MYO18B: variants seen among roughly 807,000 people sequenced by gnomAD.
The protein encoded by MYO18B is myosin XVIIIB, also known as unconventional myosin-XVIIIb.
A neutral mutation model predicts 273.0 loss-of-function variants in MYO18B; 204 were observed. The observed-to-expected ratio is 0.75, with a 90% CI of 0.67 to 0.84. The LOEUF (loss-of-function observed/expected upper bound fraction) is 0.84, where lower values mean the gene tolerates loss of function less well. Ranked by LOEUF, MYO18B falls within the 40% of genes least tolerant of loss-of-function variation. The pLI is 0.00. For missense variants in MYO18B, 3,212 were observed against 3,287.6 expected (o/e 0.98, Z 0.56); for synonymous variants, 1,330 against 1,305.7 (o/e 1.02, Z -0.40).
intron 42 of MYO18B, among the ~76,000 whole-genome samples, chr22:26,025,224 C>T (rs1289177424): frequency 6.6e-6 from 1 of 152,188 alleles, no homozygotes; most frequent in Non-Finnish European, 1.5e-5. Flanking sequence ...CCCGTGCCTT[C>T]CATGGCCATC....
chr22:25,828,226 A>C (rs569504450), intron 14 of MYO18B, among the ~76,000 whole-genome samples: 44 of 151,956 alleles, frequency 2.9e-4, no homozygotes, highest in Non-Finnish European at 5.1e-4. Context: ...AGGTTGGGCA[A>C]CTCTCCCAAG....
At chr22:25,963,511 A>G (rs796378889) in intron 39 of MYO18B, among the ~76,000 whole-genome samples, 49 of 146,338 alleles carry the variant, frequency 3.3e-4, no homozygotes, top group African/African-American at 1.1e-3. Flanking sequence ...GTCCTCAAGG[A>G]CACCAGTCAT....
At chr22:26,056,252 C>T in the MYO18B span, among the ~76,000 whole-genome samples, 2 of 152,168 alleles carry the variant, frequency 1.3e-5, no homozygotes, top group African/African-American at 2.4e-5. Flanking sequence ...AGGAACCCTC[C>T]AAAGAACTCA....
intron 42 of MYO18B, among the ~76,000 whole-genome samples, chr22:26,012,063 G>C (rs1934959862): frequency 6.6e-6 from 1 of 152,134 alleles, no homozygotes; most frequent in African/African-American, 2.4e-5. Context: ...TTTTATTTGG[G>C]ATAAGGCTGG....
chr22:25,849,363 C>T (rs2146034575), intron 20 of MYO18B, among the ~76,000 whole-genome samples: 1 of 152,250 alleles, frequency 6.6e-6, no homozygotes, highest in Middle Eastern at 3.4e-3. Context: ...TTCATTTCCT[C>T]TTTTTATTTC....
intron 40 of MYO18B, among the ~76,000 whole-genome samples, chr22:25,997,379 A>G (rs1404068812): frequency 1.3e-5 from 2 of 150,322 alleles, no homozygotes; most frequent in Admixed American, 6.6e-5. Flanking sequence ...ATTATTTAAG[A>G]TTTCAAGACA....
chr22:25,933,536 C>T (rs951325496), intron 34 of MYO18B, among the ~76,000 whole-genome samples: 4 of 152,102 alleles, frequency 2.6e-5, no homozygotes, highest in African/African-American at 9.7e-5. Context: ...TGTATCTTGC[C>T]TTTTTTCCCT....
chr22:25,912,359 G>A (rs967363850), intron 33 of MYO18B, among the ~76,000 whole-genome samples: 2 of 152,200 alleles, frequency 1.3e-5, no homozygotes. Context: ...ATTCTAGAAT[G>A]ATAGAGGGGA....
chr22:25,770,386 C>T (rs376232011), intron 5 of MYO18B, among the ~76,000 whole-genome samples: 176 of 152,312 alleles, frequency 1.2e-3, no homozygotes, highest in Middle Eastern at 6.8e-3. Flanking sequence ...TTTCTTCCTA[C>T]GGCGTTCTTC....
chr22:26,025,162 C>T (rs1326898643), intron 42 of MYO18B, among the ~76,000 whole-genome samples: 1 of 152,152 alleles, frequency 6.6e-6, no homozygotes, highest in African/African-American at 2.4e-5. Flanking sequence ...CTATTTCAGC[C>T]CCCACCTATT....
intron 28 of MYO18B, chr22:25,895,783 T>C (rs2091784425): frequency 6.6e-6 from 1 of 152,542 alleles, no homozygotes. Flanking sequence ...CTCTTTCAGA[T>C]TGTTCTGTGA....
At chr22:26,035,041 G>C (rs1936752100), downstream of MYO18B, among the ~76,000 whole-genome samples, 1 of 152,172 alleles carries the variant, frequency 6.6e-6, no homozygotes, top group African/African-American at 2.4e-5. Context: ...CCTACCACCT[G>C]ATGTCCCACC....
At chr22:26,006,180 A>G (rs1165245580) in intron 42 of MYO18B, among the ~76,000 whole-genome samples, 1 of 152,234 alleles carries the variant, frequency 6.6e-6, no homozygotes, top group Admixed American at 6.5e-5. Flanking sequence ...TAATTATATT[A>G]GGGTGGATAA....
At chr22:25,888,777 A>T (rs796404529) in intron 25 of MYO18B, among the ~76,000 whole-genome samples, 32 of 152,288 alleles carry the variant, frequency 2.1e-4, no homozygotes, top group African/African-American at 7.5e-4. Flanking sequence ...GTGACTTTGC[A>T]GTGCTTCCCC....
chr22:25,751,039 T>C (rs2085917044), intron 1 of MYO18B, among the ~76,000 whole-genome samples: 1 of 151,940 alleles, frequency 6.6e-6, no homozygotes, highest in South Asian at 2.1e-4. Context: ...GCAAGACACA[T>C]CCCCTCCCTC....
At chr22:26,058,018 A>G in the MYO18B span, among the ~76,000 whole-genome samples, 18 of 152,148 alleles carry the variant, frequency 1.2e-4, no homozygotes, top group African/African-American at 4.1e-4. Context: ...CTCCCAATCA[A>G]TTAGAATTGG....
At chr22:25,873,231 G>A (rs940102632) in intron 22 of MYO18B, among the ~76,000 whole-genome samples, 1 of 152,102 alleles carries the variant, frequency 6.6e-6, no homozygotes, top group Non-Finnish European at 1.5e-5. Context: ...GTGGGGTGCC[G>A]AGGAGGCATT....
Position 25,780,114 on chromosome 22 carries a change from C to G in MYO18B, c.2127C>G (p.Ala709=), listed in dbSNP as rs754532697. 1.2e-6 allele frequency: 2 copies of G among 1,602,832 alleles called. No individual in the cohort carries two copies. Among genetic ancestry groups the G allele is most frequent in the East Asian group, 4.5e-5 (2 of 44,504 alleles). Residue 709 remains alanine, a synonymous_variant, in exon 9 of 44, where the codon GCC becomes GCG. Transcript: ENST00000335473. ...VLRAFGSVSM[A]HSRSATRFSM... is the part of the protein sequence containing the mutation. ...GGGCCTTCGGCTCTGTGTCCATGGC[C>G]CACAGCCGCAGTGCCACCCGGTTCT...
chr22:25,762,890 G>A (rs1182822657), intron 2 of MYO18B, among the ~76,000 whole-genome samples: 1 of 152,256 alleles, frequency 6.6e-6, no homozygotes, highest in African/African-American at 2.4e-5. Context: ...TCCTTTCAGA[G>A]CAGGTCCTTC....
Sources: gnomAD v4.1 joint callset for allele counts (sites outside exome capture counted in the v4.1 genomes callset) on GRCh38, gnomAD v4.1.1 for gene constraint, MANE v1.5 for transcripts, NCBI Gene and HGNC (gene_info 2026-07-23, HGNC 2026-07-21) for gene names.